SORCS3: variants seen among roughly 807,000 people sequenced by gnomAD.
The protein encoded by SORCS3 is VPS10 domain-containing receptor SorCS3.
SORCS3 carries 57 observed loss-of-function variants against 146.3 expected under a neutral mutation model. The observed-to-expected ratio is 0.39, with a 90% confidence interval of 0.31 to 0.49. The LOEUF (loss-of-function observed/expected upper bound fraction) is 0.49, where lower values mean the gene tolerates loss of function less well. SORCS3 is among the 20% of genes least tolerant of loss of function. The pLI is 0.92. For missense variants in SORCS3, 1,341 were observed against 1,575.5 expected, an observed-to-expected ratio of 0.85 and a Z score of 2.52; for synonymous variants, 653 against 618.5, an observed-to-expected ratio of 1.06 and a Z score of -0.83.
At chr10:105,049,799 C>T (rs2055398511) in intron 5 of SORCS3, among the ~76,000 whole-genome samples, 1 of 151,968 alleles carries the variant, frequency 6.6e-6, no homozygotes, top group Non-Finnish European at 1.5e-5. Context: ...ACAATAGACA[C>T]TGGAGACTAC....
intron 16 of SORCS3, among the ~76,000 whole-genome samples, chr10:105,202,316 C>G (rs1480544905): frequency 6.6e-6 from 1 of 152,116 alleles, no homozygotes; most frequent in African/African-American, 2.4e-5. Flanking sequence ...CCTTACTGTT[C>G]TTACCTCATT....
At chr10:105,224,006 A>G (rs2056719558) in intron 20 of SORCS3, among the ~76,000 whole-genome samples, 2 of 152,260 alleles carry the variant, frequency 1.3e-5, no homozygotes, top group Non-Finnish European at 2.9e-5. Flanking sequence ...CTGCTTCCAC[A>G]CATGTATAGC....
chr10:104,694,990 G>A (rs903475705), intron 1 of SORCS3, among the ~76,000 whole-genome samples: 2 of 152,134 alleles, frequency 1.3e-5, no homozygotes, highest in Non-Finnish European at 1.5e-5. Flanking sequence ...AAAGTATTGA[G>A]TATGCAGTCA....
At chr10:105,148,540 C>A (rs1437993293) in intron 9 of SORCS3, among the ~76,000 whole-genome samples, 1 of 152,064 alleles carries the variant, frequency 6.6e-6, no homozygotes, top group Non-Finnish European at 1.5e-5. Flanking sequence ...GACTGACCAC[C>A]TGGATATGGA....
At chr10:105,160,421 G>A (rs947148156) in intron 11 of SORCS3, among the ~76,000 whole-genome samples, 9 of 152,202 alleles carry the variant, frequency 5.9e-5, no homozygotes, top group African/African-American at 2.4e-5. Context: ...GAGGTCAGGA[G>A]TTTGAGACCA....
intron 2 of SORCS3, among the ~76,000 whole-genome samples, chr10:104,913,275 C>T (rs867916236): frequency 2.0e-5 from 3 of 151,886 alleles, no homozygotes; most frequent in Admixed American, 6.6e-5. Context: ...ATTGGGGGAT[C>T]GTTGAAACAT....
intron 20 of SORCS3, among the ~76,000 whole-genome samples, chr10:105,243,504 A>T (rs545711729): frequency 7.9e-5 from 12 of 152,240 alleles, no homozygotes; most frequent in Admixed American, 7.2e-4. Context: ...ATAAACAGCC[A>T]CTATTGACCC....
At chr10:105,132,738 G>T (rs1160574897) in intron 7 of SORCS3, among the ~76,000 whole-genome samples, 1 of 152,152 alleles carries the variant, frequency 6.6e-6, no homozygotes, top group Non-Finnish European at 1.5e-5. Context: ...AATTAAACCT[G>T]TAAAATGGAA....
chr10:104,972,843 G>C (rs1048915708), intron 3 of SORCS3, among the ~76,000 whole-genome samples: 1 of 152,106 alleles, frequency 6.6e-6, no homozygotes, highest in Admixed American at 6.6e-5. Context: ...GTCATAGATA[G>C]CTCTTATTAT....
intron 2 of SORCS3, among the ~76,000 whole-genome samples, chr10:104,843,328 T>G (rs1027190): frequency 0.72 from 109,137 of 152,022 alleles, 39,977 homozygotes; most frequent in East Asian, 0.86. Context: ...CAGATACAAG[T>G]CTGCATGATG....
intron 9 of SORCS3, among the ~76,000 whole-genome samples, chr10:105,149,807 T>C (rs2056155949): frequency 6.6e-6 from 1 of 152,118 alleles, no homozygotes; most frequent in Non-Finnish European, 1.5e-5. Context: ...AACTCCTTGG[T>C]CATTTACAAC....
intron 2 of SORCS3, among the ~76,000 whole-genome samples, chr10:104,903,824 A>C (rs924972843): frequency 5.9e-5 from 9 of 152,240 alleles, no homozygotes; most frequent in African/African-American, 1.9e-4. Flanking sequence ...TTGAATGTAG[A>C]AACAGATACA....
In SORCS3 at chr10:105,223,153, T is replaced by A; in HGVS notation, c.2772T>A (p.Val924=). ...ATGTTCATCTCCGAGTTCCATTTGT[T>A]GCCATAAGAAATAAGGAGGTCAACA... ...VEHVHLRVPF[V]AIRNKEVNIS... Residue 924 remains valine, a synonymous_variant, in exon 20 of 27, where the codon GTT becomes GTA. Transcript: ENST00000369701. 1 of 1,612,346 alleles carries A rather than the reference T, an allele frequency of 6.2e-7. No individual in the cohort carries two copies. The highest frequency in any genetic ancestry group is 8.5e-7 in the Non-Finnish European group (1 of 1,178,668).
At chr10:104,772,536 A>G (rs923218757) in intron 1 of SORCS3, among the ~76,000 whole-genome samples, 3 of 152,158 alleles carry the variant, frequency 2.0e-5, no homozygotes, top group Non-Finnish European at 2.9e-5. Context: ...GGTTTCATTC[A>G]TCAGCCCAGA....
intron 20 of SORCS3, among the ~76,000 whole-genome samples, chr10:105,237,174 A>C (rs2056797530): frequency 6.6e-6 from 1 of 152,176 alleles, no homozygotes; most frequent in African/African-American, 2.4e-5. Context: ...ATGACAATAC[A>C]TGAGAGGCAG....
rs569092544 is a variant in SORCS3 at position 104,684,694 on chromosome 10, C to A, written c.627+42740C>A. 4.6e-4 allele frequency among the ~76,000 whole-genome samples: 66 copies of A among 143,872 alleles called. 1 individual carries two copies. Among genetic ancestry groups the A allele is most frequent in the African/African-American group, 1.7e-3 (65 of 39,180 alleles). 94.4% of individuals were successfully genotyped at this position (143,872 alleles called of 152,430 possible). A position where few individuals can be genotyped will look rare whatever the true frequency, so the allele number is the denominator to read the frequency against. ...TGAAGAATGAGGATAATGATAATAT[C>A]AATTTTATGATATAGTTGAGGGGAA... On this transcript the variant is annotated intron_variant, in intron 1 of 26. Coordinates refer to ENST00000369701, the MANE Select transcript of SORCS3 (RefSeq NM_014978.3).
At chr10:105,213,172 T>A (rs2056644320) in intron 17 of SORCS3, among the ~76,000 whole-genome samples, 1 of 152,092 alleles carries the variant, frequency 6.6e-6, no homozygotes, top group Admixed American at 6.6e-5. Flanking sequence ...ACAAAAAAGA[T>A]GTATATATGC....
At chr10:105,025,737 T>C (rs1432110425) in intron 4 of SORCS3, among the ~76,000 whole-genome samples, 2 of 152,032 alleles carry the variant, frequency 1.3e-5, no homozygotes, top group African/African-American at 4.8e-5. Flanking sequence ...GTTTTGTTTC[T>C]GCCTTATCCC....
intron 5 of SORCS3, among the ~76,000 whole-genome samples, chr10:105,059,320 G>A (rs73342215): frequency 0.059 from 8,975 of 152,270 alleles, 285 homozygotes; most frequent in Middle Eastern, 0.088. Flanking sequence ...CTCCCTGCTA[G>A]ATGAGATAAT....
Sources: gnomAD v4.1 joint callset for allele counts (sites outside exome capture counted in the v4.1 genomes callset) on GRCh38, gnomAD v4.1.1 for gene constraint, MANE v1.5 for transcripts, NCBI Gene and HGNC (gene_info 2026-07-23, HGNC 2026-07-21) for gene names.